The following PDZRN4 variants were observed in gnomAD, a reference collection of about 807,000 sequenced individuals.
PDZRN4 encodes PDZ domain-containing RING finger protein 4.
In PDZRN4, 70 loss-of-function variants were observed where a neutral mutation model predicts 99.0. The observed-to-expected ratio is 0.71, with a 90% confidence interval of 0.58 to 0.86. The LOEUF is 0.86. Among genes scored for constraint, PDZRN4 ranks in the 40% least tolerant of loss-of-function variants. The probability of loss-of-function intolerance (pLI) is 0.00; values close to 1 mark genes in which losing one functional copy is unlikely to be tolerated. For missense variants in PDZRN4, 1,474 were observed against 1,331.2 expected (o/e 1.11, Z -1.67); for synonymous variants, 551 against 501.6 (o/e 1.10, Z -1.32).
At chr12:41,477,896 A>G (rs1479319352) in intron 3 of PDZRN4, 30 of 1,552,496 alleles carry the variant, frequency 1.9e-5, no homozygotes, top group Non-Finnish European at 1.6e-5. Context: ...AACCTTTGGC[A>G]TTGTTGACAT....
rs771563084 is a variant in PDZRN4, at chr12:41,572,798, G to A, written c.2019G>A (p.Leu673=). ...EHELQLLNEE[L]RNIELECQNI... ...AGCTACAGTTGCTTAATGAAGAACT[G>A]AGAAACATTGAGCTTGAGTGTCAGA... The change falls in exon 10 of 10, where the codon CTG becomes CTA. Residue 673 remains leucine, a synonymous_variant. Coordinates refer to ENST00000402685, the MANE Select transcript of PDZRN4 (RefSeq NM_001164595.2). 5.6e-6 allele frequency: 9 copies of A among 1,614,042 alleles called. No homozygotes were observed. The highest frequency in any genetic ancestry group is 2.7e-5 in the African/African-American group (2 of 74,946).
intron 5 of PDZRN4, among the ~76,000 whole-genome samples, chr12:41,517,588 G>A (rs1453633537): frequency 1.3e-5 from 2 of 152,052 alleles, no homozygotes; most frequent in South Asian, 2.1e-4. Context: ...GACTAGGAGT[G>A]TGGCCCCAGT....
chr12:41,418,339 T>A (rs4768353), intron 3 of PDZRN4, among the ~76,000 whole-genome samples: 77,614 of 151,958 alleles, frequency 0.51, 20,305 homozygotes, highest in African/African-American at 0.64. Flanking sequence ...TGGTGCATTA[T>A]CTGAAAAGCA....
At chr12:41,561,864 A>G (rs2120829944) in intron 7 of PDZRN4, among the ~76,000 whole-genome samples, 1 of 152,190 alleles carries the variant, frequency 6.6e-6, no homozygotes, top group South Asian at 2.1e-4. Flanking sequence ...TAGAGTAAAT[A>G]CTACAAAGTC....
At chr12:41,446,877 A>G (rs562266224) in intron 3 of PDZRN4, among the ~76,000 whole-genome samples, 1 of 147,768 alleles carries the variant, frequency 6.8e-6, no homozygotes, top group Non-Finnish European at 1.5e-5. Flanking sequence ...TTGCTTCAGC[A>G]TAATCATTGC....
intron 3 of PDZRN4, among the ~76,000 whole-genome samples, chr12:41,487,078 C>G (rs1427068891): frequency 6.6e-6 from 1 of 152,108 alleles, no homozygotes; most frequent in African/African-American, 2.4e-5. Flanking sequence ...TTTTTCATAG[C>G]AGTTGACACA....
At chr12:41,495,135 ATG>A (rs1006987366) in intron 3 of PDZRN4, among the ~76,000 whole-genome samples, 2 of 151,522 alleles carry the variant, frequency 1.3e-5, no homozygotes, top group East Asian at 1.9e-4. Context: ...GTGTTTGTGC[ATG>A]TGTGTGTGTG....
At chr12:41,220,497 G>T (rs529906809) in intron 3 of PDZRN4, among the ~76,000 whole-genome samples, 1 of 152,252 alleles carries the variant, frequency 6.6e-6, no homozygotes, top group Non-Finnish European at 1.5e-5. Flanking sequence ...ATGTAATTTA[G>T]CACAGAAGAG....
At chr12:41,446,782 A>G (rs765658748) in intron 3 of PDZRN4, among the ~76,000 whole-genome samples, 6 of 152,052 alleles carry the variant, frequency 3.9e-5, no homozygotes, top group Non-Finnish European at 7.4e-5. Flanking sequence ...AGGGGCATCT[A>G]AGAAACTTCA....
chr12:41,407,626 CTTGT>C (rs776713670), intron 3 of PDZRN4, among the ~76,000 whole-genome samples: 11 of 151,940 alleles, frequency 7.2e-5, no homozygotes, highest in Non-Finnish European at 1.3e-4. Context: ...TGAGAAAAAA[CTTGT>C]TTGTTTGGAC....
At chr12:41,204,085 G>C (rs1270345760) in intron 3 of PDZRN4, among the ~76,000 whole-genome samples, 2 of 151,962 alleles carry the variant, frequency 1.3e-5, no homozygotes, top group Non-Finnish European at 2.9e-5. Flanking sequence ...GAAGTATCTT[G>C]AACATTTTCC....
At chr12:41,568,128 G>A (rs557713701) in intron 9 of PDZRN4, among the ~76,000 whole-genome samples, 3 of 152,136 alleles carry the variant, frequency 2.0e-5, no homozygotes, top group Non-Finnish European at 4.4e-5. Flanking sequence ...TGTTAATACA[G>A]TACAGTAGTA....
intron 3 of PDZRN4, among the ~76,000 whole-genome samples, chr12:41,361,379 A>AT (rs1325195029): frequency 6.6e-6 from 1 of 152,012 alleles, no homozygotes; most frequent in Admixed American, 6.6e-5. Flanking sequence ...TCCACTTTTA[A>AT]TTTTTACTTA....
chr12:41,565,756 G>A (rs1047044968), intron 8 of PDZRN4, among the ~76,000 whole-genome samples: 1 of 152,066 alleles, frequency 6.6e-6, no homozygotes, highest in Non-Finnish European at 1.5e-5. Flanking sequence ...GACCATTAAA[G>A]ATATTGCTTT....
chr12:41,189,811 G>C (rs1237671709), intron 1 of PDZRN4, among the ~76,000 whole-genome samples: 1 of 152,038 alleles, frequency 6.6e-6, no homozygotes, highest in South Asian at 2.1e-4. Flanking sequence ...GTGTGTGTGC[G>C]ACCTGGGAAG....
intron 3 of PDZRN4, among the ~76,000 whole-genome samples, chr12:41,289,133 C>T (rs1000098083): frequency 1.3e-5 from 2 of 152,010 alleles, no homozygotes; most frequent in Admixed American, 6.6e-5. Flanking sequence ...AACTTCAGCC[C>T]TTTCTTTTTG....
At chr12:41,540,203 A>G (rs1938823669) in intron 5 of PDZRN4, among the ~76,000 whole-genome samples, 1 of 152,150 alleles carries the variant, frequency 6.6e-6, no homozygotes, top group Non-Finnish European at 1.5e-5. Flanking sequence ...TTACAACAAC[A>G]TTTTTTGTTA....
At chr12:41,472,470 T>C (rs1466811144) in intron 3 of PDZRN4, among the ~76,000 whole-genome samples, 1 of 152,246 alleles carries the variant, frequency 6.6e-6, no homozygotes, top group Non-Finnish European at 1.5e-5. Flanking sequence ...TAATTTTCTC[T>C]GACAGTGTTT....
chr12:41,527,893 A>C (rs770989471), intron 5 of PDZRN4, among the ~76,000 whole-genome samples: 9 of 152,170 alleles, frequency 5.9e-5, no homozygotes, highest in Non-Finnish European at 1.0e-4. Context: ...ATAGCCCCCA[A>C]AACACATTGA....
Sources: gnomAD v4.1 joint callset for allele counts (sites outside exome capture counted in the v4.1 genomes callset) on GRCh38, gnomAD v4.1.1 for gene constraint, MANE v1.5 for transcripts, NCBI Gene and HGNC (gene_info 2026-07-23, HGNC 2026-07-21) for gene names.